Variants in TGM6 observed in about 807,000 individuals in gnomAD.
TGM6 encodes transglutaminase 6, also known as protein-glutamine gamma-glutamyltransferase 6.
In TGM6, 74 loss-of-function variants were observed where a neutral mutation model predicts 77.5. The observed-to-expected ratio is 0.96, with a 90% CI of 0.79 to 1.16. The LOEUF (loss-of-function observed/expected upper bound fraction) is 1.16. Ranked by LOEUF, TGM6 falls within the 50% of genes most tolerant of loss-of-function variation. The probability of loss-of-function intolerance (pLI) is 0.00; values close to 1 mark genes in which losing one functional copy is unlikely to be tolerated. For missense variants in TGM6, 968 were observed against 940.2 expected (o/e 1.03, Z -0.39); for synonymous variants, 383 against 378.9 (o/e 1.01, Z -0.12).
chr20:2,418,218 G>A (rs1323715902), intron 10 of TGM6, among the ~76,000 whole-genome samples: 4 of 152,122 alleles, frequency 2.6e-5, no homozygotes, highest in African/African-American at 9.7e-5. Context: ...TCATGATGTT[G>A]CCCAGGCTGG....
chr20:2,395,507 G>A, intron 3 of TGM6, 71 bp downstream of exon 3: 3 of 1,613,066 alleles, frequency 1.9e-6, no homozygotes, highest in Non-Finnish European at 8.5e-7. Context: ...GCCCTTGGAG[G>A]GGGCCTGGGA....
At chr20:2,410,457 G>A (rs1422644075) in intron 9 of TGM6, among the ~76,000 whole-genome samples, 2 of 152,118 alleles carry the variant, frequency 1.3e-5, no homozygotes, top group Non-Finnish European at 2.9e-5. Context: ...TAACAAACCA[G>A]GAATGGTAAG....
intron 7 of TGM6, 138 bp downstream of exon 7, chr20:2,400,582 G>C (rs1331960020): frequency 7.9e-6 from 10 of 1,260,400 alleles, no homozygotes; most frequent in Non-Finnish European, 1.1e-5. Flanking sequence ...TCTGGAGGGA[G>C]TGAGAGGCGC....
intron 10 of TGM6, among the ~76,000 whole-genome samples, chr20:2,426,394 AT>A (rs1305922884): frequency 6.6e-6 from 1 of 152,072 alleles, no homozygotes; most frequent in East Asian, 1.9e-4. Context: ...AAGTTCCAGG[AT>A]TTTTTGTTTG....
chr20:2,388,464 A>G (rs2084610167), intron 1 of TGM6, among the ~76,000 whole-genome samples: 1 of 152,150 alleles, frequency 6.6e-6, no homozygotes, highest in Non-Finnish European at 1.5e-5. Context: ...TCCCAGCTCC[A>G]TCACTTAGAA....
intron 4 of TGM6, 53 bp from the exon 5 acceptor site, chr20:2,397,865 T>C (rs2084679369): frequency 1.9e-6 from 3 of 1,613,758 alleles, no homozygotes. Flanking sequence ...TGGGAGGGCC[T>C]GGAATATGGG....
chr20:2,423,668 C>T lies in TGM6; in HGVS notation c.1678+6095C>T, dbSNP rs73073310. Among the ~76,000 whole-genome samples the T allele has an allele frequency of 8.7e-3, 1,318 of 152,302 alleles. 12 individuals carry two copies. Among genetic ancestry groups the T allele is most frequent in the Middle Eastern group, 0.017 (5 of 294 alleles). On this transcript the variant is annotated intron_variant, in intron 10 of 12. Coordinates refer to ENST00000202625, the MANE Select transcript of TGM6 (RefSeq NM_198994.3). ...CCTATTAATGTTGATATTTTTACCT[C>T]CTCCCATGAATCATGAATATACTTA...
At chr20:2,399,313 T>C (rs2084689268) in intron 5 of TGM6, among the ~76,000 whole-genome samples, 1 of 152,170 alleles carries the variant, frequency 6.6e-6, no homozygotes, top group South Asian at 2.1e-4. Context: ...TCATTTAACA[T>C]AGGAAATGCT....
At chr20:2,390,544 G>C (rs1470103529) in intron 1 of TGM6, among the ~76,000 whole-genome samples, 1 of 152,146 alleles carries the variant, frequency 6.6e-6, no homozygotes, top group Non-Finnish European at 1.5e-5. Flanking sequence ...AATATTTGTT[G>C]AGCACCTTCC....
intron 9 of TGM6, among the ~76,000 whole-genome samples, chr20:2,408,117 C>A (rs1453108053): frequency 6.6e-6 from 1 of 152,116 alleles, no homozygotes; most frequent in East Asian, 1.9e-4. Context: ...CAACAGGATT[C>A]CAGACTCATG....
At chr20:2,432,250 G>T (rs958239574) in intron 12 of TGM6, among the ~76,000 whole-genome samples, 4 of 152,052 alleles carry the variant, frequency 2.6e-5, no homozygotes, top group Non-Finnish European at 5.9e-5. Context: ...GTTTCACCAC[G>T]TTGGCCAGGC....
chr20:2,395,944 G>A lies in TGM6; in HGVS notation c.424+508G>A, dbSNP rs1288922162. Among the ~76,000 whole-genome samples, 11 of 152,170 alleles carry A rather than the reference G, an allele frequency of 7.2e-5. No homozygotes were observed. The East Asian group carries it at 2.1e-3, about 29-fold the overall frequency. ...GCCTGTAACCCCAGCACTTTGGGAT[G>A]CCAAGGCAGGGGGATCACCTGAGGT... On this transcript the variant is annotated intron_variant, in intron 3 of 12. Transcript: ENST00000202625.
chr20:2,384,099 TC>T (rs999116676), intron 1 of TGM6, among the ~76,000 whole-genome samples: 1 of 110,804 alleles, frequency 9.0e-6, no homozygotes, highest in Non-Finnish European at 1.7e-5. Context: ...AGAGTGAGAC[TC>T]CGTCTCAAAA....
intron 10 of TGM6, among the ~76,000 whole-genome samples, chr20:2,422,225 T>A (rs186625615): frequency 6.6e-6 from 1 of 152,340 alleles, no homozygotes; most frequent in African/African-American, 2.4e-5. Context: ...TACATTTAGG[T>A]CAATGATTCA....
intron 1 of TGM6, among the ~76,000 whole-genome samples, chr20:2,389,821 A>G (rs2122334069): frequency 6.6e-6 from 1 of 152,346 alleles, no homozygotes; most frequent in East Asian, 1.9e-4. Context: ...TCATGAGTGA[A>G]CACAGACAAA....
chr20:2,408,590 A>G (rs1599956383), intron 9 of TGM6, among the ~76,000 whole-genome samples: 3 of 152,306 alleles, frequency 2.0e-5, no homozygotes, highest in African/African-American at 2.4e-5. Context: ...GATTCACGGA[A>G]TGAATGAATT....
chr20:2,395,161 A>C (rs763834923), intron 2 of TGM6, 33 bp from the exon 3 acceptor site: 1 of 1,607,508 alleles, frequency 6.2e-7, no homozygotes, highest in Non-Finnish European at 8.5e-7. Context: ...TTCCCAGGGG[A>C]AGGGTCTCCT....
At chr20:2,414,541 C>T (rs910535941) in intron 9 of TGM6, among the ~76,000 whole-genome samples, 4 of 152,198 alleles carry the variant, frequency 2.6e-5, no homozygotes, top group East Asian at 1.9e-4. Flanking sequence ...TACCATGACC[C>T]GGCAACTGCA....
intron 9 of TGM6, among the ~76,000 whole-genome samples, chr20:2,405,757 G>T (rs2084746168): frequency 6.6e-6 from 1 of 152,156 alleles, no homozygotes; most frequent in Non-Finnish European, 1.5e-5. Flanking sequence ...TTCTGCAGAG[G>T]TTTTACAAGG....
Sources: gnomAD v4.1 joint callset for allele counts (sites outside exome capture counted in the v4.1 genomes callset) on GRCh38, gnomAD v4.1.1 for gene constraint, MANE v1.5 for transcripts, NCBI Gene and HGNC (gene_info 2026-07-23, HGNC 2026-07-21) for gene names.